The following RIMS2 variants were observed in gnomAD, a reference collection of about 807,000 sequenced individuals.
RIMS2 encodes regulating synaptic membrane exocytosis 2, also known as regulating synaptic membrane exocytosis protein 2.
Under a neutral mutation model 174.4 loss-of-function variants are expected in RIMS2, and 59 were observed. The observed-to-expected ratio is 0.34, with a 90% CI of 0.27 to 0.42. The LOEUF (loss-of-function observed/expected upper bound fraction) is 0.42, where lower values mean the gene tolerates loss of function less well. Among genes scored for constraint, RIMS2 ranks in the 10% least tolerant of loss-of-function variants. The pLI is 1.00. For missense variants in RIMS2, 1,620 were observed against 1,666.3 expected (o/e 0.97, Z 0.48); for synonymous variants, 606 against 572.5 (o/e 1.06, Z -0.84).
At chr8:103,819,469 TAGGGAAAAATAAGAGA>T in intron 3 of RIMS2, 1 of 1,607,466 alleles carries the variant, frequency 6.2e-7, no homozygotes, top group Non-Finnish European at 8.5e-7. Flanking sequence ...AGACAGGTGG[TAGGGAAAAATAAGAGA>T]AGGGGAAAAA....
chr8:103,629,210 G>A (rs2095856152), intron 1 of RIMS2, among the ~76,000 whole-genome samples: 1 of 152,202 alleles, frequency 6.6e-6, no homozygotes, highest in Non-Finnish European at 1.5e-5. Flanking sequence ...GCAATAATGA[G>A]CCAGAATACC....
At chr8:103,525,524 T>C (rs1833578267) in intron 1 of RIMS2, among the ~76,000 whole-genome samples, 1 of 152,312 alleles carries the variant, frequency 6.6e-6, no homozygotes, top group East Asian at 1.9e-4. Context: ...TAGCTTGGGT[T>C]AGTTACCAAC....
intron 1 of RIMS2, among the ~76,000 whole-genome samples, chr8:103,551,193 A>AT (rs1395112389): frequency 6.6e-6 from 1 of 152,182 alleles, no homozygotes; most frequent in African/African-American, 2.4e-5. Flanking sequence ...CGATGCAAAA[A>AT]TCCTCAATAC....
intron 19 of RIMS2, among the ~76,000 whole-genome samples, chr8:104,056,254 A>T (rs181532511): frequency 2.0e-5 from 3 of 151,910 alleles, no homozygotes; most frequent in Admixed American, 2.0e-4. Flanking sequence ...AATACAAAAA[A>T]TTAGCCGGGC....
At chr8:103,653,219 T>G (rs2096482319) in intron 1 of RIMS2, among the ~76,000 whole-genome samples, 1 of 152,210 alleles carries the variant, frequency 6.6e-6, no homozygotes, top group Non-Finnish European at 1.5e-5. Context: ...TTACTAAACA[T>G]TTCATTAGGT....
intron 19 of RIMS2, among the ~76,000 whole-genome samples, chr8:104,134,827 T>C (rs1434029216): frequency 6.6e-6 from 1 of 152,224 alleles, no homozygotes; most frequent in African/African-American, 2.4e-5. Context: ...AAAATATTAG[T>C]GATTTCACCA....
Position 104,002,214 on chromosome 8 carries a change from T to C in RIMS2, c.3045-11228T>C, listed in dbSNP as rs147069526. On this transcript the variant is annotated intron_variant, in intron 17 of 23. Transcript: ENST00000504942. ...TTTCTTATTGTTTCATTAAGTTATT[T>C]CTACTTCACTTGTTCTTCTGTCTCA... is the stretch of plus-strand genomic sequence containing the variant. Among the ~76,000 whole-genome samples the C allele has an allele frequency of 9.2e-5, 14 of 152,238 alleles. No homozygotes were observed. In the East Asian group the frequency reaches 2.5e-3, roughly 27 times the overall value.
intron 19 of RIMS2, among the ~76,000 whole-genome samples, chr8:104,091,642 G>A (rs1052557006): frequency 1.1e-4 from 17 of 149,724 alleles, no homozygotes; most frequent in African/African-American, 3.9e-4. Context: ...TTATTGTATA[G>A]TGTACATATT....
chr8:104,048,702 T>G (rs556537271), intron 19 of RIMS2, among the ~76,000 whole-genome samples: 55 of 150,622 alleles, frequency 3.7e-4, no homozygotes, highest in African/African-American at 1.3e-3. Context: ...AATGAAGAAT[T>G]TTTTTGACAT....
upstream of RIMS2, chr8:103,500,695 T>C: frequency 3.8e-6 from 2 of 531,858 alleles, no homozygotes; most frequent in Admixed American, 3.5e-5. Context: ...TCCTCAGCCC[T>C]CCTTCCCCAC....
intron 1 of RIMS2, among the ~76,000 whole-genome samples, chr8:103,680,916 C>T (rs2096872150): frequency 6.6e-6 from 1 of 151,818 alleles, no homozygotes; most frequent in South Asian, 2.1e-4. Context: ...TTTGGAAGAG[C>T]AGTTAAAAAG....
At chr8:103,698,754 T>C (rs542527618) in intron 2 of RIMS2, among the ~76,000 whole-genome samples, 2 of 152,260 alleles carry the variant, frequency 1.3e-5, no homozygotes, top group Non-Finnish European at 2.9e-5. Flanking sequence ...GACAGACACA[T>C]GCCATGGTGC....
intron 19 of RIMS2, among the ~76,000 whole-genome samples, chr8:104,133,935 T>C (rs1434646890): frequency 6.6e-6 from 1 of 152,156 alleles, no homozygotes; most frequent in East Asian, 1.9e-4. Flanking sequence ...TTTGTGATAT[T>C]CTGTGTAACA....
intron 15 of RIMS2, among the ~76,000 whole-genome samples, chr8:103,968,110 C>G (rs539794749): frequency 6.6e-6 from 1 of 152,244 alleles, no homozygotes; most frequent in African/African-American, 2.4e-5. Context: ...ATCTGCCCGC[C>G]TTAGCCTCCC....
In RIMS2 at chr8:103,729,194, C is replaced by T. The variant is rs1591233935; in HGVS notation, c.387+31898C>T. On this transcript the variant is annotated intron_variant, in intron 2 of 23. Coordinates refer to ENST00000504942, the Ensembl canonical transcript of RIMS2. ...ATTTGGTAAAATTCAGCAATGAAGA[C>T]GTTGGATCCTGGGCTTTTCTTTGCT... is the stretch of plus-strand genomic sequence containing the variant. Among the ~76,000 whole-genome samples the T allele has an allele frequency of 3.3e-5, 5 of 152,132 alleles. No individual in the cohort carries two copies. The South Asian group carries it at 6.2e-4, about 19-fold the overall frequency.
chr8:103,608,248 G>T (rs1445160427), intron 1 of RIMS2, among the ~76,000 whole-genome samples: 1 of 142,482 alleles, frequency 7.0e-6, no homozygotes, highest in Non-Finnish European at 1.5e-5. Flanking sequence ...GTCTGTTGGA[G>T]TACTGGGCCC....
intron 2 of RIMS2, among the ~76,000 whole-genome samples, chr8:103,750,623 C>T (rs1667287233): frequency 6.6e-6 from 1 of 152,052 alleles, no homozygotes; most frequent in Non-Finnish European, 1.5e-5. Context: ...ATCATTGGAT[C>T]ATGGAAGCGG....
intron 5 of RIMS2, chr8:103,910,447 G>A: frequency 1.3e-6 from 2 of 1,597,216 alleles, no homozygotes; most frequent in Non-Finnish European, 1.7e-6. Context: ...GATTTGGAAT[G>A]GTCTGAACCT....
chr8:103,707,911 T>C (rs775893063), intron 2 of RIMS2, among the ~76,000 whole-genome samples: 4 of 152,238 alleles, frequency 2.6e-5, no homozygotes, highest in Non-Finnish European at 5.9e-5. Context: ...CCAGAACCAA[T>C]GGCCAACTGG....
Sources: gnomAD v4.1 joint callset for allele counts (sites outside exome capture counted in the v4.1 genomes callset) on GRCh38, gnomAD v4.1.1 for gene constraint, MANE v1.5 for transcripts, NCBI Gene and HGNC (gene_info 2026-07-23, HGNC 2026-07-21) for gene names.